PARD3B: variants seen among roughly 807,000 people sequenced by gnomAD.
PARD3B encodes par-3 family cell polarity regulator beta.
In PARD3B, 103 loss-of-function variants were observed where a neutral mutation model predicts 130.2. That is an observed-to-expected ratio of 0.79 (90% confidence interval 0.67 to 0.93). PARD3B has a LOEUF of 0.93. PARD3B is among the 40% of genes least tolerant of loss of function. The pLI, the probability that PARD3B is intolerant of heterozygous loss-of-function variation, is 0.00. For missense variants in PARD3B, 1,609 were observed against 1,499.2 expected (o/e 1.07, Z -1.21); for synonymous variants, 583 against 553.2 (o/e 1.05, Z -0.76).
intron 1 of PARD3B, among the ~76,000 whole-genome samples, chr2:204,579,939 TTGTTGGCAGTTG>T (rs1347374490): frequency 6.6e-6 from 1 of 152,252 alleles, no homozygotes; most frequent in Non-Finnish European, 1.5e-5. Context: ...TATCAGAAAG[TTGTTGGCAGTTG>T]TGTTTCCTTG....
At chr2:204,568,473 A>T (rs2031806850) in intron 1 of PARD3B, among the ~76,000 whole-genome samples, 1 of 152,182 alleles carries the variant, frequency 6.6e-6, no homozygotes, top group Non-Finnish European at 1.5e-5. Flanking sequence ...TGACAATAGG[A>T]ATGTTTTAAG....
chr2:205,079,591 A>C (rs1382413392), intron 4 of PARD3B, among the ~76,000 whole-genome samples: 5 of 152,228 alleles, frequency 3.3e-5, no homozygotes, highest in Admixed American at 6.5e-5. Context: ...CCCAAAGGCC[A>C]CACTTCTTAA....
chr2:205,372,868 A>G (rs929235794), intron 18 of PARD3B, among the ~76,000 whole-genome samples: 2 of 152,124 alleles, frequency 1.3e-5, no homozygotes, highest in African/African-American at 4.8e-5. Context: ...AAGCCCAGCT[A>G]CTCGGGAGGC....
At chr2:205,061,011 G>A (rs1258191645) in intron 4 of PARD3B, among the ~76,000 whole-genome samples, 1 of 152,072 alleles carries the variant, frequency 6.6e-6, no homozygotes, top group Non-Finnish European at 1.5e-5. Flanking sequence ...AAATGAAGTT[G>A]TGCATCGGAT....
At chr2:204,921,696 TTC>T (rs1236735902) in intron 2 of PARD3B, among the ~76,000 whole-genome samples, 1 of 152,136 alleles carries the variant, frequency 6.6e-6, no homozygotes, top group Non-Finnish European at 1.5e-5. Flanking sequence ...GGGAATCTTT[TTC>T]TGTTATTGTT....
At chr2:205,501,305 C>A (rs1411213336) in intron 21 of PARD3B, among the ~76,000 whole-genome samples, 1 of 152,054 alleles carries the variant, frequency 6.6e-6, no homozygotes, top group East Asian at 1.9e-4. Context: ...GAGAGGCAGC[C>A]TGAGACTATG....
intron 2 of PARD3B, among the ~76,000 whole-genome samples, chr2:204,762,256 G>A (rs2040937608): frequency 6.6e-6 from 1 of 151,562 alleles, no homozygotes; most frequent in Non-Finnish European, 1.5e-5. Context: ...TGAGTAGGTG[G>A]GAGTACAGGC....
At chr2:205,328,138 T>C (rs2042996798) in intron 18 of PARD3B, among the ~76,000 whole-genome samples, 1 of 152,082 alleles carries the variant, frequency 6.6e-6, no homozygotes, top group Admixed American at 6.5e-5. Context: ...GAATGATACA[T>C]GGAATGCTAT....
rs972715291 is a variant in PARD3B, at chr2:205,324,175, T to A, written c.2630+22474T>A. 2.6e-5 allele frequency among the ~76,000 whole-genome samples: 4 copies of A among 152,220 alleles called. No homozygotes were observed. The East Asian group carries it at 7.7e-4, about 29-fold the overall frequency. On this transcript the variant is annotated intron_variant, in intron 18 of 22. Transcript: ENST00000406610. ...TTAGGTGTTGCTACGTCACACACTA[T>A]GCTGCAAACTGAAAAATGATTTAGT...
In PARD3B at chr2:204,799,494, A is replaced by G. The variant is rs779753111; in HGVS notation, c.222+113212A>G. Reference sequence around the variant, plus strand: ...GCCTCTCTGGGTTTCCCATCTGCTCACTGAAGAGCCCTTGGGCCGTGAGTG... The same window carrying G: ...GCCTCTCTGGGTTTCCCATCTGCTCGCTGAAGAGCCCTTGGGCCGTGAGTG... On this transcript the variant is annotated intron_variant, in intron 2 of 22. Coordinates refer to ENST00000406610, the MANE Select transcript of PARD3B (RefSeq NM_001302769.2). The surrounding 1 kb of genome is among the most constrained non-coding windows in gnomAD (Gnocchi z 4.1). Among the ~76,000 whole-genome samples, 3 of 152,146 alleles carry G rather than the reference A, an allele frequency of 2.0e-5. No individual in the cohort carries two copies. Among genetic ancestry groups the G allele is most frequent in the Non-Finnish European group, 4.4e-5 (3 of 68,024 alleles).
chr2:205,112,084 A>G (rs1703685904), intron 5 of PARD3B, among the ~76,000 whole-genome samples: 1 of 152,080 alleles, frequency 6.6e-6, no homozygotes. Context: ...ATCATTTAAT[A>G]CTATATTATC....
chr2:204,802,794 G>A (rs1288438051), intron 2 of PARD3B, among the ~76,000 whole-genome samples: 2 of 151,994 alleles, frequency 1.3e-5, no homozygotes, highest in Non-Finnish European at 1.5e-5. Flanking sequence ...TGAACAATGA[G>A]AACATATGGA....
At chr2:204,607,424 T>A (rs918415094) in intron 1 of PARD3B, among the ~76,000 whole-genome samples, 2 of 152,132 alleles carry the variant, frequency 1.3e-5, no homozygotes, top group African/African-American at 4.8e-5. Context: ...AAATAGAGGA[T>A]GGCAAGTAAA....
At chr2:205,060,582 A>G (rs987219442) in intron 4 of PARD3B, among the ~76,000 whole-genome samples, 2 of 152,122 alleles carry the variant, frequency 1.3e-5, no homozygotes, top group East Asian at 1.9e-4. Context: ...ATTGTCTTCT[A>G]TATTGGCCAC....
At chr2:204,926,642 G>A (rs2125765754) in intron 2 of PARD3B, among the ~76,000 whole-genome samples, 1 of 152,168 alleles carries the variant, frequency 6.6e-6, no homozygotes, top group South Asian at 2.1e-4. Flanking sequence ...TCTCTCGGAA[G>A]CAAACTAGGT....
At chr2:205,450,466 C>CTTTTTTTTTTTTTTTTTT (rs869229400) in intron 20 of PARD3B, among the ~76,000 whole-genome samples, 1 of 78,378 alleles carries the variant, frequency 1.3e-5, no homozygotes, top group Non-Finnish European at 2.3e-5. Flanking sequence ...AGTGCAGATT[C>CTTTTTTTTTTTTTTTTTT]TTTTTTTTTT....
intron 16 of PARD3B, among the ~76,000 whole-genome samples, chr2:205,249,539 AG>A (rs1202394365): frequency 6.6e-6 from 1 of 152,162 alleles, no homozygotes; most frequent in East Asian, 1.9e-4. Flanking sequence ...ATCCAATCAA[AG>A]GCCCAGGTAA....
intron 1 of PARD3B, among the ~76,000 whole-genome samples, chr2:204,574,076 C>T (rs989628520): frequency 1.3e-5 from 2 of 152,132 alleles, no homozygotes; most frequent in Admixed American, 1.3e-4. Flanking sequence ...GGGCTTTTCC[C>T]TCGGTGGGTG....
Position 205,473,654 on chromosome 2 carries a change from A to ATG in PARD3B, c.3045-26216_3045-26215dup, listed in dbSNP as rs751534704. Among the ~76,000 whole-genome samples, 3,088 of 123,504 alleles carry ATG rather than the reference A, an allele frequency of 0.025. 47 individuals carry two copies. The highest frequency in any genetic ancestry group is 0.031 in the Non-Finnish European group (1,932 of 61,638). 81.0% of individuals were successfully genotyped at this position (123,504 alleles called of 152,430 possible). On this transcript the variant is annotated intron_variant, in intron 20 of 22. Transcript: ENST00000406610. The surrounding 1 kb of genome is among the most constrained non-coding windows in gnomAD (Gnocchi z 4.9). Reference sequence around the variant, plus strand: ...TGTTTCCCAATATAAGGTTATATATATGTGTGTGTGTGTGTGTGTGTGTGT... The same window carrying ATG: ...TGTTTCCCAATATAAGGTTATATATATGTGTGTGTGTGTGTGTGTGTGTGTGT...
Sources: gnomAD v4.1 joint callset for allele counts (sites outside exome capture counted in the v4.1 genomes callset) on GRCh38, gnomAD v4.1.1 for gene constraint, Gnocchi (gnomAD v3.1) non-coding constraint, MANE v1.5 for transcripts, NCBI Gene and HGNC (gene_info 2026-07-23, HGNC 2026-07-21) for gene names.